Variants in HS3ST5 observed in about 807,000 individuals in gnomAD.
HS3ST5 encodes heparan sulfate-glucosamine 3-sulfotransferase 5.
Under a neutral mutation model 25.4 loss-of-function variants are expected in HS3ST5, and 10 were observed. The observed-to-expected ratio is 0.39, with a 90% CI of 0.24 to 0.67. The LOEUF is 0.67. Ranked by LOEUF, HS3ST5 falls within the 30% of genes least tolerant of loss-of-function variation. The probability of loss-of-function intolerance (pLI) is 0.44; values close to 1 mark genes in which losing one functional copy is unlikely to be tolerated. For missense variants in HS3ST5, 324 were observed against 420.7 expected, an observed-to-expected ratio of 0.77 and a Z score of 2.01; for synonymous variants, 170 against 162.4, an observed-to-expected ratio of 1.05 and a Z score of -0.36.
At chr6:114,147,612 G>A (rs1778231497) in intron 3 of HS3ST5, among the ~76,000 whole-genome samples, 1 of 151,974 alleles carries the variant, frequency 6.6e-6, no homozygotes, top group Non-Finnish European at 1.5e-5. Context: ...TTGGAGTCTC[G>A]CTCTGTCACC....
chr6:114,083,912 G>C (rs1380649903), intron 3 of HS3ST5, among the ~76,000 whole-genome samples: 1 of 152,018 alleles, frequency 6.6e-6, no homozygotes, highest in Non-Finnish European at 1.5e-5. Flanking sequence ...ATTCTAGTTT[G>C]TTTCTTAGGA....
intron 1 of HS3ST5, chr6:114,251,989 C>T (rs1398099055): frequency 6.6e-6 from 1 of 152,160 alleles, no homozygotes; most frequent in African/African-American, 2.4e-5. Flanking sequence ...TATCCCAGCA[C>T]CTAGGAGGGT....
At chr6:114,149,902 T>C (rs1778368884) in intron 3 of HS3ST5, among the ~76,000 whole-genome samples, 1 of 152,180 alleles carries the variant, frequency 6.6e-6, no homozygotes, top group African/African-American at 2.4e-5. Context: ...CTGTCCAAAA[T>C]TGTGGTAATT....
At position 114,058,131 on chromosome 6, in the gene HS3ST5, A is replaced by G; in HGVS notation, c.167T>C (p.Phe56Ser). 1 of 1,613,624 alleles carries G rather than the reference A, an allele frequency of 6.2e-7. No individual in the cohort carries two copies. The highest frequency in any genetic ancestry group is 8.5e-7 in the Non-Finnish European group (1 of 1,179,646). Residue 56 changes from phenylalanine (F) to serine (S), a missense_variant, in exon 5 of 5, where the codon TTC (phenylalanine) becomes TCC (serine). Around this residue, in one of 2 missense-constraint regions of HS3ST5, gnomAD observed 121 missense variants for 117.3 expected, o/e 1.03. Transcript: ENST00000312719. ...RLGGARTQAE[F>S]PLRALQFKRG... ...CTTAAACTGCAGGGCGCGAAGTGGG[A>G]ATTCAGCCTGAGTGCGGGCTCCACC...
intron 3 of HS3ST5, among the ~76,000 whole-genome samples, chr6:114,080,416 C>G (rs1414337107): frequency 6.6e-6 from 1 of 152,114 alleles, no homozygotes; most frequent in Non-Finnish European, 1.5e-5. Flanking sequence ...ACCATTTGAC[C>G]CAGCAATCCC....
Position 114,058,096 on chromosome 6 carries a change from G to T in HS3ST5, c.202C>A (p.Leu68Met). Reference protein sequence around the residue: ...LRALQFKRGLLHEFRKGNASK... With the variant: ...LRALQFKRGLMHEFRKGNASK... The stretch of plus-strand genomic sequence containing the variant: ...GCGTTGCCCTTCCGGAACTCGTGCA[G>T]CAGGCCACGCTTAAACTGCAGGGCG... Residue 68 changes from leucine to methionine, a missense_variant, in exon 5 of 5, where the codon CTG (leucine) becomes ATG (methionine). Around this residue, in one of 2 missense-constraint regions of HS3ST5, gnomAD observed 121 missense variants for 117.3 expected, o/e 1.03. Coordinates refer to ENST00000312719, the MANE Select transcript of HS3ST5 (RefSeq NM_153612.4). The T allele has an allele frequency of 6.2e-7, 1 of 1,614,158 alleles. No homozygotes were observed.
intron 3 of HS3ST5, among the ~76,000 whole-genome samples, chr6:114,129,532 G>A (rs1777226572): frequency 6.6e-6 from 1 of 152,162 alleles, no homozygotes; most frequent in Non-Finnish European, 1.5e-5. Context: ...TGGGATTACA[G>A]GTGTGAGCCA....
chr6:114,159,118 C>G (rs117810585), intron 3 of HS3ST5, among the ~76,000 whole-genome samples: 2,929 of 152,272 alleles, frequency 0.019, 33 homozygotes, highest in Middle Eastern at 0.048. Flanking sequence ...TATGTCTAAT[C>G]CTGAAGTCCA....
rs185400191 is a variant in HS3ST5, at chr6:114,295,675, T to C, written c.-339+46520A>G. Among the ~76,000 whole-genome samples, 193 of 152,280 alleles carry C rather than the reference T, an allele frequency of 1.3e-3. 1 individual carries two copies. The highest frequency in any genetic ancestry group is 4.5e-3 in the African/African-American group (187 of 41,550). On this transcript the variant is annotated intron_variant, in intron 1 of 4. Coordinates refer to ENST00000312719, the MANE Select transcript of HS3ST5 (RefSeq NM_153612.4). ...ACTGTGTAAAAGCATGCAAACTATA[T>C]AGAAGGGAAGGAACTACTCAGGGCC...
chr6:114,099,186 A>G (rs1047836608), intron 3 of HS3ST5, among the ~76,000 whole-genome samples: 2 of 152,156 alleles, frequency 1.3e-5, no homozygotes, highest in Non-Finnish European at 2.9e-5. Context: ...GTCAGCCATA[A>G]GCCTTAGCTT....
At chr6:114,215,012 A>AT (rs552952827) in intron 2 of HS3ST5, among the ~76,000 whole-genome samples, 73 of 152,258 alleles carry the variant, frequency 4.8e-4, no homozygotes, top group Non-Finnish European at 9.3e-4. Context: ...TAGTTTCCTG[A>AT]TAAAAACTCA....
intron 1 of HS3ST5, among the ~76,000 whole-genome samples, chr6:114,317,442 G>A (rs985980305): frequency 1.3e-5 from 2 of 152,150 alleles, no homozygotes; most frequent in Non-Finnish European, 2.9e-5. Context: ...TAACTGAAAT[G>A]TGAAGGAATT....
In HS3ST5 at chr6:114,308,782, T is replaced by C. The variant is rs1035381729; in HGVS notation, c.-339+33413A>G. Among the ~76,000 whole-genome samples the C allele has an allele frequency of 4.6e-5, 7 of 152,006 alleles. No homozygotes were observed. The South Asian group carries it at 1.0e-3, about 23-fold the overall frequency. ...AGGTAAGGAGAAATGAGTGAACAAA[T>C]AGATCAGTAAGGTGATTCTCTTGAC... On this transcript the variant is annotated intron_variant, in intron 1 of 4. Transcript: ENST00000312719.
At chr6:114,294,539 G>A (rs775103448) in intron 1 of HS3ST5, among the ~76,000 whole-genome samples, 1 of 143,760 alleles carries the variant, frequency 7.0e-6, no homozygotes, top group Non-Finnish European at 1.5e-5. Context: ...TCCGCCTCCC[G>A]GGTTCAGGCC....
At chr6:114,233,390 T>A (rs1167708350) in intron 1 of HS3ST5, among the ~76,000 whole-genome samples, 2 of 151,870 alleles carry the variant, frequency 1.3e-5, no homozygotes, top group Non-Finnish European at 1.5e-5. Context: ...TCTCTCTCTC[T>A]CACAATGGCT....
chr6:114,150,845 T>TA (rs1491121334), intron 3 of HS3ST5, among the ~76,000 whole-genome samples: 1 of 152,228 alleles, frequency 6.6e-6, no homozygotes, highest in East Asian at 1.9e-4. Flanking sequence ...CAAATTGTCT[T>TA]ATGTGAATTA....
intron 1 of HS3ST5, among the ~76,000 whole-genome samples, chr6:114,268,959 CA>C (rs1773524953): frequency 6.6e-6 from 1 of 152,166 alleles, no homozygotes; most frequent in Non-Finnish European, 1.5e-5. Flanking sequence ...TCCAATATCT[CA>C]AGTTGCGAAA....
At chr6:114,225,210 T>C (rs1424046972) in intron 2 of HS3ST5, among the ~76,000 whole-genome samples, 1 of 151,882 alleles carries the variant, frequency 6.6e-6, no homozygotes, top group Non-Finnish European at 1.5e-5. Context: ...GCATGACTTA[T>C]AGTCTCTTCT....
intron 1 of HS3ST5, among the ~76,000 whole-genome samples, chr6:114,306,256 T>TATATATGTACACACACACAC (rs756494412): frequency 8.7e-6 from 1 of 115,420 alleles, no homozygotes; most frequent in Non-Finnish European, 2.0e-5. Flanking sequence ...TATATATATA[T>TATATATGTACACACACACAC]ACACACACAC....
Sources: gnomAD v4.1 joint callset for allele counts (sites outside exome capture counted in the v4.1 genomes callset) on GRCh38, gnomAD v4.1.1 for gene constraint, gnomAD v4.1.1 regional missense constraint, MANE v1.5 for transcripts, NCBI Gene and HGNC (gene_info 2026-07-23, HGNC 2026-07-21) for gene names.